Variants in CIITA observed in about 807,000 individuals in gnomAD.
CIITA encodes class II major histocompatibility complex transactivator.
CIITA carries 72 observed loss-of-function variants against 115.1 expected under a neutral mutation model. The observed-to-expected ratio is 0.63, with a 90% confidence interval of 0.52 to 0.76. The LOEUF is 0.76. Ranked by LOEUF, CIITA falls within the 30% of genes least tolerant of loss-of-function variation. The pLI, the probability that CIITA is intolerant of heterozygous loss-of-function variation, is 0.00. For missense variants in CIITA, 1,617 were observed against 1,463.8 expected (o/e 1.10, Z -1.71); for synonymous variants, 763 against 635.6 (o/e 1.20, Z -3.02).
chr16:10,892,136 C>G (rs1298311153), intron 1 of CIITA, among the ~76,000 whole-genome samples: 2 of 152,004 alleles, frequency 1.3e-5, no homozygotes, highest in Non-Finnish European at 2.9e-5. Flanking sequence ...CCAGCCTGAC[C>G]AACATGGTGA....
At chr16:10,876,006 T>C (rs556756181), upstream of CIITA, among the ~76,000 whole-genome samples, 43 of 152,234 alleles carry the variant, frequency 2.8e-4, no homozygotes, top group African/African-American at 1.0e-3. Flanking sequence ...AAAAATTAGC[T>C]GGACATAGTG....
At chr16:10,919,522 A>G (rs2040158022) in intron 16 of CIITA, among the ~76,000 whole-genome samples, 1 of 151,090 alleles carries the variant, frequency 6.6e-6, no homozygotes, top group African/African-American at 2.4e-5. Context: ...TTATTTATTT[A>G]TTTATTTATT....
At chr16:10,915,060 T>C in intron 13 of CIITA, 1 of 456,124 alleles carries the variant, frequency 2.2e-6, no homozygotes, top group Non-Finnish European at 4.4e-6. Context: ...TTTTTGTTTT[T>C]TTTCTTTTTT....
intron 1 of CIITA, among the ~76,000 whole-genome samples, chr16:10,886,100 G>A (rs532300158): frequency 2.0e-5 from 3 of 149,462 alleles, no homozygotes; most frequent in African/African-American, 7.4e-5. Context: ...TGTCACCCAG[G>A]CTGAGTTTTC....
rs200599265 is a variant in CIITA, at chr16:10,915,573, G to T, written c.2892G>T (p.Leu964=). Residue 964 remains leucine (L), a synonymous_variant, in exon 14 of 20, where the codon CTG becomes CTT. Transcript: ENST00000324288. ...VRDLKKLEFA[L]GPVSGPQAFP... is the part of the protein sequence containing the mutation. ...ACCCTTGCTCTTTGCCTCCTAGGCT[G>T]GGCCCTGTCTCAGGCCCCCAGGCTT... 2.5e-6 allele frequency: 4 copies of T among 1,613,838 alleles called. No individual in the cohort carries two copies. Among genetic ancestry groups the T allele is most frequent in the Non-Finnish European group, 3.4e-6 (4 of 1,179,762 alleles).
intron 3 of CIITA, among the ~76,000 whole-genome samples, chr16:10,897,226 G>T (rs370647497): frequency 5.9e-4 from 90 of 152,354 alleles, no homozygotes; most frequent in African/African-American, 2.2e-3. Context: ...TGCATCTGGT[G>T]AGGGCCTTCT....
intron 1 of CIITA, among the ~76,000 whole-genome samples, chr16:10,869,549 G>C (rs1301410581): frequency 6.9e-6 from 1 of 145,422 alleles, no homozygotes; most frequent in Admixed American, 6.9e-5. Flanking sequence ...ACAGAGTCTT[G>C]CTCTATCGCC....
In CIITA at chr16:10,920,740, G is replaced by A. The variant is rs2040224953; in HGVS notation, c.3150-1427G>A. Among the ~76,000 whole-genome samples, 1 of 152,158 alleles carries A rather than the reference G, an allele frequency of 6.6e-6. No homozygotes were observed. Among genetic ancestry groups the A allele is most frequent in the Admixed American group, 6.5e-5 (1 of 15,276 alleles). On this transcript the variant is annotated intron_variant, in intron 16 of 19. Transcript: ENST00000324288. This position sits in a 1 kb window ranked among gnomAD's most constrained non-coding sequence, Gnocchi z 4.5. Reference sequence around the variant, plus strand: ...TATGGTCAGATTACTCTCCCTGTGGGGTGGAGGAAGGGTCTCCAGGGTTCA... The same window carrying A: ...TATGGTCAGATTACTCTCCCTGTGGAGTGGAGGAAGGGTCTCCAGGGTTCA...
chr16:10,879,680 C>G lies in CIITA; in HGVS notation c.52+2298C>G, dbSNP rs1244523770. Among the ~76,000 whole-genome samples, 1 of 152,188 alleles carries G rather than the reference C, an allele frequency of 6.6e-6. No homozygotes were observed. The highest frequency in any genetic ancestry group is 1.5e-5 in the Non-Finnish European group (1 of 68,034). ...GGACTGAACCGATCTCTTGATCTCTCACTTCTCTACCTCGCTTTGGGGCCC... is the reference window on the plus strand; with the variant it reads ...GGACTGAACCGATCTCTTGATCTCTGACTTCTCTACCTCGCTTTGGGGCCC... On this transcript the variant is annotated intron_variant, in intron 1 of 19. Coordinates refer to ENST00000324288, the MANE Select transcript of CIITA (RefSeq NM_000246.4). The surrounding 1 kb of genome is among the most constrained non-coding windows in gnomAD (Gnocchi z 4.3).
chr16:10,902,868 C>T (rs1458474947), intron 8 of CIITA, 67 bp downstream of exon 8: 2 of 1,581,456 alleles, frequency 1.3e-6, no homozygotes, highest in Non-Finnish European at 1.7e-6. Context: ...ACCTCATCCT[C>T]CCCATACTCC....
At position 10,908,207 on chromosome 16, in the gene CIITA, G is replaced by C. The variant is rs185573096; in HGVS notation, c.2657+58G>C. The C allele has an allele frequency of 8.1e-5, 125 of 1,542,222 alleles. 1 individual carries two copies. In the East Asian group the frequency reaches 2.2e-3, roughly 27 times the overall value. On this transcript the variant is annotated intron_variant, in intron 11 of 19. Transcript: ENST00000324288. The stretch of plus-strand genomic sequence containing the variant: ...TGTGTTGGGCATTAACTGCGGTCTT[G>C]GTGCCAAGCCCAGTGCTCTGTGGGG...
At chr16:10,886,456 T>C (rs1281775652) in intron 1 of CIITA, among the ~76,000 whole-genome samples, 2 of 152,196 alleles carry the variant, frequency 1.3e-5, no homozygotes, top group African/African-American at 4.8e-5. Context: ...TGGGTTCTCC[T>C]GGGGAGTTGT....
At position 10,924,695 on chromosome 16, in the gene CIITA, C is replaced by G. The variant is rs553144586; in HGVS notation, c.*840C>G. ...GCTTTTGTCTATGGGACTCAATGCACTGACATTGTTGGCCAAAGCCAAAGC... is the reference window on the plus strand; with the variant it reads ...GCTTTTGTCTATGGGACTCAATGCAGTGACATTGTTGGCCAAAGCCAAAGC... On this transcript the variant is annotated 3_prime_UTR_variant, in exon 20 of 20. Transcript: ENST00000324288. 6.6e-6 allele frequency: 1 copy of G among 152,262 alleles called. No homozygotes were observed. Among genetic ancestry groups the G allele is most frequent in the African/African-American group, 2.4e-5 (1 of 41,462 alleles). The allele number at this position is 152,262 out of a possible 1,614,324, so 9.4% of individuals were successfully genotyped here.
chr16:10,904,205 T>A (rs1436027076), intron 9 of CIITA, among the ~76,000 whole-genome samples: 1 of 152,156 alleles, frequency 6.6e-6, no homozygotes, highest in Non-Finnish European at 1.5e-5. Context: ...GATATTGTGA[T>A]TTTTTAATTT....
Position 10,922,492 on chromosome 16 carries a change from T to TA in CIITA, c.3317+4dup. Reference sequence around the variant, plus strand: ...GTGTCCTCATGTGGAGACGCTGGCGTAAGTCCAGGCAACCCTGGTGGGTGG... The same window carrying TA: ...GTGTCCTCATGTGGAGACGCTGGCGTAAAGTCCAGGCAACCCTGGTGGGTGG... On this transcript the variant is annotated splice_region_variant and intron_variant, in intron 18 of 19. Transcript: ENST00000324288. 6.2e-7 allele frequency: 1 copy of TA among 1,613,948 alleles called. No homozygotes were observed.
At chr16:10,915,305 C>T (rs1415959734) in intron 13 of CIITA, among the ~76,000 whole-genome samples, 2 of 152,126 alleles carry the variant, frequency 1.3e-5, no homozygotes, top group Non-Finnish European at 2.9e-5. Context: ...TTACCTTGGC[C>T]TCCCAAAATG....
At chr16:10,939,006 G>C (rs545965880), downstream of CIITA, 1 of 152,352 alleles carries the variant, frequency 6.6e-6, no homozygotes, top group South Asian at 2.1e-4. This position sits in a 1 kb window ranked among gnomAD's most constrained non-coding sequence, Gnocchi z 4.9. Context: ...TTGGCTTGGA[G>C]ACAGGGATTT....
chr16:10,902,116 T>C lies in CIITA; in HGVS notation c.560T>C (p.Leu187Pro). The change falls in exon 7 of 20, where the codon CTG becomes CCG. Residue 187 changes from leucine (L) to proline (P), a missense_variant. By Grantham distance (98) the Leu-to-Pro change is moderately conservative. Transcript: ENST00000324288. Reference sequence around the variant, plus strand: ...TGCTCCACCCTGCCCTGCCTGCCACTGCCTGCGCTGTTCAACCAGGAGCCA... The same window carrying C: ...TGCTCCACCCTGCCCTGCCTGCCACCGCCTGCGCTGTTCAACCAGGAGCCA... The part of the protein sequence containing the change: ...SDCSTLPCLP[L>P]PALFNQEPAS... 1.9e-6 allele frequency: 3 copies of C among 1,614,200 alleles called. No individual in the cohort carries two copies. Among genetic ancestry groups the C allele is most frequent in the Non-Finnish European group, 2.5e-6 (3 of 1,180,028 alleles).
intron 13 of CIITA, among the ~76,000 whole-genome samples, chr16:10,911,575 G>A (rs2039586912): frequency 7.0e-6 from 1 of 143,166 alleles, no homozygotes; most frequent in Admixed American, 7.3e-5. Flanking sequence ...TCTTTCTTGA[G>A]GCAGAGTCTT....
Sources: allele counts gnomAD v4.1 joint callset (sites outside exome capture counted in the v4.1 genomes callset), GRCh38; gene constraint gnomAD v4.1.1; non-coding constraint Gnocchi (gnomAD v3.1); transcripts MANE v1.5; gene names NCBI Gene and HGNC (gene_info 2026-07-23, HGNC 2026-07-21).